The following DACH1 variants were observed in gnomAD, a reference collection of about 807,000 sequenced individuals.
DACH1 encodes dachshund homolog 1.
Under a neutral mutation model 54.2 loss-of-function variants are expected in DACH1, and 12 were observed. The observed-to-expected ratio is 0.22, with a 90% CI of 0.14 to 0.36. DACH1 has a LOEUF of 0.36. Among genes scored for constraint, DACH1 ranks in the 10% least tolerant of loss-of-function variants. The pLI, the probability that DACH1 is intolerant of heterozygous loss-of-function variation, is 1.00. For missense variants in DACH1, 805 were observed against 929.8 expected, an observed-to-expected ratio of 0.87 and a Z score of 1.75; for synonymous variants, 386 against 366.2, an observed-to-expected ratio of 1.05 and a Z score of -0.62.
At chr13:71,726,203 G>T (rs554948415) in intron 1 of DACH1, among the ~76,000 whole-genome samples, 1 of 152,016 alleles carries the variant, frequency 6.6e-6, no homozygotes, top group East Asian at 1.9e-4. Context: ...CGAATAGACC[G>T]CATGTTGAAG....
chr13:71,446,496 TG>T (rs551514331), intron 10 of DACH1, among the ~76,000 whole-genome samples: 192 of 152,324 alleles, frequency 1.3e-3, no homozygotes, highest in Middle Eastern at 6.8e-3. Flanking sequence ...AAGAAAATAA[TG>T]CCTCTTACAA....
chr13:71,598,487 C>T (rs1374378960), intron 3 of DACH1, among the ~76,000 whole-genome samples: 1 of 151,840 alleles, frequency 6.6e-6, no homozygotes, highest in Non-Finnish European at 1.5e-5. Context: ...ACTCCTGACC[C>T]CATGATCCAC....
At chr13:71,822,135 C>T (rs1391917746) in intron 1 of DACH1, among the ~76,000 whole-genome samples, 7 of 152,094 alleles carry the variant, frequency 4.6e-5, no homozygotes, top group Non-Finnish European at 7.4e-5. Context: ...ACCACACACA[C>T]ACATACAATT....
chr13:71,825,551 T>C (rs760599698), intron 1 of DACH1, among the ~76,000 whole-genome samples: 2 of 152,274 alleles, frequency 1.3e-5, no homozygotes, highest in Non-Finnish European at 2.9e-5. Context: ...TGGAATCATG[T>C]AGCTGTGGTC....
chr13:71,573,490 T>A (rs376519318), intron 3 of DACH1: 1 of 713,122 alleles, frequency 1.4e-6, no homozygotes, highest in African/African-American at 1.8e-5. Flanking sequence ...GCTCCAGGCA[T>A]GCGGGGGTGG....
intron 1 of DACH1, 98 bp from the exon 2 acceptor site, chr13:71,682,008 G>C: frequency 3.2e-6 from 2 of 631,348 alleles, no homozygotes; most frequent in Non-Finnish European, 5.2e-6. Context: ...AAATAAATTT[G>C]TTTCAAGGAC....
chr13:71,656,736 T>C (rs931982950), intron 2 of DACH1, among the ~76,000 whole-genome samples: 4 of 151,004 alleles, frequency 2.6e-5, no homozygotes, highest in African/African-American at 7.3e-5. Flanking sequence ...CATTTTTGAA[T>C]AGTCAATCTG....
intron 6 of DACH1, among the ~76,000 whole-genome samples, chr13:71,534,969 G>A (rs972623720): frequency 2.8e-4 from 42 of 151,840 alleles, no homozygotes; most frequent in African/African-American, 9.6e-4. Context: ...ATATGAAAGA[G>A]GTGAGGAACA....
chr13:71,804,284 G>A (rs1018986612), intron 1 of DACH1, among the ~76,000 whole-genome samples: 2 of 152,134 alleles, frequency 1.3e-5, no homozygotes, highest in Admixed American at 1.3e-4. Context: ...CTGGACTCCA[G>A]CCTCGGCAAC....
chr13:71,722,639 G>C (rs1883279855), intron 1 of DACH1, among the ~76,000 whole-genome samples: 3 of 152,042 alleles, frequency 2.0e-5, no homozygotes, highest in African/African-American at 7.3e-5. Flanking sequence ...ATTTTATCTT[G>C]CTAGAAACAA....
Position 71,797,208 on chromosome 13 carries a change from A to C in DACH1, c.848+68714T>G, listed in dbSNP as rs74099138. ...TGTGTTGATTCAAAGCTGCTTTAAT[A>C]TACACGCACTTTAGCTTTTGCTCAT... On this transcript the variant is annotated intron_variant, in intron 1 of 10. Transcript: ENST00000613252. Among the ~76,000 whole-genome samples the C allele has an allele frequency of 1.1e-3, 164 of 152,250 alleles. 1 individual carries two copies. The highest frequency in any genetic ancestry group is 3.9e-3 in the African/African-American group (160 of 41,542).
chr13:71,700,584 AAGAG>A (rs67368718), intron 1 of DACH1, among the ~76,000 whole-genome samples: 61,893 of 108,380 alleles, frequency 0.57, 22,274 homozygotes, highest in Non-Finnish European at 0.78. Context: ...AAAAAAAAAA[AAGAG>A]AGAGAGAGAG....
intron 2 of DACH1, among the ~76,000 whole-genome samples, chr13:71,649,009 G>A (rs138573821): frequency 7.4e-4 from 112 of 152,234 alleles, no homozygotes; most frequent in African/African-American, 2.4e-3. Context: ...TATGTTCCTT[G>A]CCAGAAATTT....
At chr13:71,829,863 C>T (rs1888517016) in intron 1 of DACH1, among the ~76,000 whole-genome samples, 1 of 151,798 alleles carries the variant, frequency 6.6e-6, no homozygotes, top group Admixed American at 6.6e-5. Context: ...TTGAGACCAT[C>T]TAGTAATAAA....
At chr13:71,602,498 TTTTCTTCATGCTGCTTTGTCCGC>T (rs2138494623) in intron 3 of DACH1, among the ~76,000 whole-genome samples, 1 of 152,154 alleles carries the variant, frequency 6.6e-6, no homozygotes, top group African/African-American at 2.4e-5. Context: ...ATTATTTATG[TTTTCTTCATGCTGCTTTGTCCGC>T]CATGGGAGCA....
chr13:71,674,993 C>T, intron 2 of DACH1: 1 of 701,774 alleles, frequency 1.4e-6, no homozygotes, highest in Non-Finnish European at 2.6e-6. Context: ...CGCTCTCCAA[C>T]GCCAGCGCCG....
intron 6 of DACH1, among the ~76,000 whole-genome samples, chr13:71,552,842 TAGAGAGAGAGAGAGAGAG>T (rs1167871695): frequency 8.0e-5 from 1 of 12,538 alleles, no homozygotes; most frequent in African/African-American, 3.1e-4. Context: ...TATATATATA[TAGAGAGAGAGAGAGAGAG>T]AGAGAGAGAG....
intron 1 of DACH1, among the ~76,000 whole-genome samples, chr13:71,732,888 A>C (rs1883814701): frequency 6.6e-6 from 1 of 152,068 alleles, no homozygotes; most frequent in South Asian, 2.1e-4. Context: ...ATGACACTGG[A>C]ATGTCTTTAT....
intron 3 of DACH1, among the ~76,000 whole-genome samples, chr13:71,623,413 T>C (rs1876390874): frequency 6.6e-6 from 1 of 151,694 alleles, no homozygotes. Context: ...TGTTAACTCT[T>C]ATTTAGCCTC....
Sources: allele counts gnomAD v4.1 joint callset (sites outside exome capture counted in the v4.1 genomes callset), GRCh38; gene constraint gnomAD v4.1.1; transcripts MANE v1.5; gene names NCBI Gene and HGNC (gene_info 2026-07-23, HGNC 2026-07-21).